The following RALGPS2 variants were observed in gnomAD, a reference collection of about 807,000 sequenced individuals.
RALGPS2 encodes ras-specific guanine nucleotide-releasing factor RalGPS2.
A neutral mutation model predicts 86.8 loss-of-function variants in RALGPS2; 43 were observed. The ratio of observed to expected loss-of-function variants is 0.50; its 90% CI spans 0.39 to 0.64. The LOEUF is 0.64. Among genes scored for constraint, RALGPS2 ranks in the 30% least tolerant of loss-of-function variants. The probability of loss-of-function intolerance (pLI) is 0.00; values close to 1 mark genes in which losing one functional copy is unlikely to be tolerated. For missense variants in RALGPS2, 536 were observed against 694.6 expected (o/e 0.77, Z 2.57); for synonymous variants, 243 against 231.3 (o/e 1.05, Z -0.46).
Position 178,890,507 on chromosome 1 carries a change from T to C in RALGPS2, c.1247+811T>C, listed in dbSNP as rs1294289949. 2.0e-5 allele frequency among the ~76,000 whole-genome samples: 3 copies of C among 152,068 alleles called. No homozygotes were observed. The East Asian group carries it at 5.8e-4, about 29-fold the overall frequency. Reference sequence around the variant, plus strand: ...TCATTACTCAAGCGGGTCATTTAGATTGAATGTTAAATGTCATATTAATAC... The same window carrying C: ...TCATTACTCAAGCGGGTCATTTAGACTGAATGTTAAATGTCATATTAATAC... On this transcript the variant is annotated intron_variant, in intron 14 of 19. Coordinates refer to ENST00000367635, the MANE Select transcript of RALGPS2 (RefSeq NM_152663.5).
At position 178,917,628 on chromosome 1, in the gene RALGPS2, A is replaced by C. The variant is rs1274067517; in HGVS notation, c.*1269A>C. On this transcript the variant is annotated 3_prime_UTR_variant, in exon 20 of 20. Coordinates refer to ENST00000367635, the MANE Select transcript of RALGPS2 (RefSeq NM_152663.5). ...ATTTACTGTCGGTCTCTGACATGAA[A>C]CCGTATTTTGTCAGTAGTTGACCAA... The C allele has an allele frequency of 6.6e-6, 1 of 152,124 alleles. No homozygotes were observed. The highest frequency in any genetic ancestry group is 1.9e-4 in the East Asian group (1 of 5,188). 9.4% of individuals were successfully genotyped at this position (152,124 alleles called of 1,614,324 possible).
In RALGPS2 at chr1:178,777,098, C is replaced by T. The variant is rs575883305; in HGVS notation, c.57+277C>T. Among the ~76,000 whole-genome samples, 6 of 116,524 alleles carry T rather than the reference C, an allele frequency of 5.1e-5. No homozygotes were observed. The South Asian group carries it at 2.2e-3, about 43-fold the overall frequency. 76.4% of individuals were successfully genotyped at this position (116,524 alleles called of 152,430 possible). ...GTATATCTCCCAATGCTATCCCTCC[C>T]CCCTCCCCCCACCCCACCACAATCC... On this transcript the variant is annotated intron_variant, in intron 2 of 19. Transcript: ENST00000367635.
chr1:178,789,141 A>G (rs1397422591), intron 4 of RALGPS2, among the ~76,000 whole-genome samples: 1 of 152,106 alleles, frequency 6.6e-6, no homozygotes, highest in East Asian at 1.9e-4. Context: ...TCCTGGCCTC[A>G]AGTGATCCAC....
chr1:178,883,329 CTCT>C lies in RALGPS2; in HGVS notation c.837-135_837-133del. 3 of 628,242 alleles carry C rather than the reference CTCT, an allele frequency of 4.8e-6. No homozygotes were observed. The South Asian group carries it at 6.4e-5, about 13-fold the overall frequency. The allele number at this position is 628,242 out of a possible 1,614,324, so 38.9% of individuals were successfully genotyped here. ...CTGTCTCTTAAAAAGAAGAAGATTG[CTCT>C]TGAAGAAAAGTATATAGGTCAGATT... On this transcript the variant is annotated intron_variant, in intron 10 of 19. Coordinates refer to ENST00000367635, the MANE Select transcript of RALGPS2 (RefSeq NM_152663.5).
intron 8 of RALGPS2, among the ~76,000 whole-genome samples, chr1:178,858,830 CAT>C (rs1168831434): frequency 1.3e-5 from 2 of 152,156 alleles, no homozygotes; most frequent in African/African-American, 4.8e-5. Flanking sequence ...CCATCTGTAA[CAT>C]ATGTGTTCTT....
rs372827241 is a variant in RALGPS2, at chr1:178,833,449, C to T, written c.506C>T (p.Thr169Ile). ...WALLSRKDKT[T>I]FEKLEYVMSK... ...TTATTAAGTCGAAAAGACAAAACTA[C>T]CTTTGAAAAATTAGAATATGTAATG... The change falls in exon 8 of 20, where the codon ACC (threonine) becomes ATC (isoleucine). Residue 169 changes from threonine (T) to isoleucine (I), a missense_variant. Coordinates refer to ENST00000367635, the MANE Select transcript of RALGPS2 (RefSeq NM_152663.5). 2 of 1,510,454 alleles carry T rather than the reference C, an allele frequency of 1.3e-6. No individual in the cohort carries two copies. Among genetic ancestry groups the T allele is most frequent in the Non-Finnish European group, 1.8e-6 (2 of 1,141,704 alleles). The allele number at this position is 1,510,454 out of a possible 1,614,324, so 93.6% of individuals were successfully genotyped here. A position where few individuals can be genotyped will look rare whatever the true frequency, so the allele number is the denominator to read the frequency against.
chr1:178,785,475 A>G lies in RALGPS2; in HGVS notation c.163-82A>G, dbSNP rs1158762033. The G allele has an allele frequency of 5.7e-6, 8 of 1,399,356 alleles. No homozygotes were observed. In the East Asian group the frequency reaches 2.0e-4, roughly 35 times the overall value. The allele number at this position is 1,399,356 out of a possible 1,614,324, so 86.7% of individuals were successfully genotyped here. A position where few individuals can be genotyped will look rare whatever the true frequency, so the allele number is the denominator to read the frequency against. On this transcript the variant is annotated intron_variant, in intron 3 of 19. Transcript: ENST00000367635. ...ATTGAGTATTTGGTAATATTTTAGT[A>G]TAGAATATAATTTTAATTTAGGTTA... is the stretch of plus-strand genomic sequence containing the variant.
At chr1:178,912,930 G>C (rs1388550091) in intron 19 of RALGPS2, among the ~76,000 whole-genome samples, 35 of 152,042 alleles carry the variant, frequency 2.3e-4, no homozygotes, top group Non-Finnish European at 4.4e-5. Context: ...TGCTCTTCGA[G>C]TTCTGAGATT....
intron 8 of RALGPS2, among the ~76,000 whole-genome samples, chr1:178,871,946 A>G (rs1269100227): frequency 6.6e-6 from 1 of 152,242 alleles, no homozygotes; most frequent in Non-Finnish European, 1.5e-5. Flanking sequence ...ATACTATTGT[A>G]TTTCATTAAT....
chr1:178,855,239 A>T (rs1478853539), intron 8 of RALGPS2, among the ~76,000 whole-genome samples: 5 of 151,704 alleles, frequency 3.3e-5, no homozygotes, highest in Non-Finnish European at 5.9e-5. Flanking sequence ...ATAACAATAG[A>T]AGGGATTCTT....
chr1:178,783,207 C>T (rs752775165), intron 2 of RALGPS2, among the ~76,000 whole-genome samples: 25 of 151,930 alleles, frequency 1.6e-4, no homozygotes, highest in Non-Finnish European at 2.8e-4. Context: ...GTGACAAAAA[C>T]GAAGAATGCC....
At chr1:178,914,542 A>AT (rs1213505175) in intron 19 of RALGPS2, among the ~76,000 whole-genome samples, 2 of 151,282 alleles carry the variant, frequency 1.3e-5, no homozygotes, top group Non-Finnish European at 2.9e-5. Flanking sequence ...AAAATCGGTG[A>AT]TTTTCTCTCA....
intron 4 of RALGPS2, among the ~76,000 whole-genome samples, chr1:178,789,826 G>A (rs1653862759): frequency 6.6e-6 from 1 of 152,218 alleles, no homozygotes; most frequent in African/African-American, 2.4e-5. Context: ...CTGGCACATA[G>A]TGGAAGCTCA....
Position 178,906,840 on chromosome 1 carries a change from T to C in RALGPS2, c.1695T>C (p.Ser565=). ...CAATGTTATGGTTTAAGCATTTGAG[T>C]GCAGCCTGCCAAAGTAACAAACAAC... is the stretch of plus-strand genomic sequence containing the variant. ...MNAMLWFKHL[S]AACQSNKQQV... The change falls in exon 19 of 20, where the codon AGT becomes AGC. Residue 565 remains serine (S), a synonymous_variant. Coordinates refer to ENST00000367635, the MANE Select transcript of RALGPS2 (RefSeq NM_152663.5). 6.2e-7 allele frequency: 1 copy of C among 1,613,326 alleles called. No individual in the cohort carries two copies. Among genetic ancestry groups the C allele is most frequent in the Non-Finnish European group, 8.5e-7 (1 of 1,179,676 alleles).
At chr1:178,846,619 G>A (rs1656877947) in intron 8 of RALGPS2, among the ~76,000 whole-genome samples, 1 of 152,126 alleles carries the variant, frequency 6.6e-6, no homozygotes, top group South Asian at 2.1e-4. Flanking sequence ...TAAAAGAGCT[G>A]GGGGTGGGGT....
intron 8 of RALGPS2, among the ~76,000 whole-genome samples, chr1:178,840,671 G>C (rs910991408): frequency 6.6e-6 from 1 of 151,964 alleles, no homozygotes; most frequent in Admixed American, 6.6e-5. Context: ...AGGAGATAGA[G>C]ACACAAAAAA....
chr1:178,761,954 G>A (rs1381299706), intron 1 of RALGPS2, among the ~76,000 whole-genome samples: 1 of 152,036 alleles, frequency 6.6e-6, no homozygotes, highest in Admixed American at 6.6e-5. Flanking sequence ...TTGTTTCATT[G>A]CCCAGGTAAT....
chr1:178,865,455 C>T (rs535168464), intron 8 of RALGPS2: 3 of 1,614,014 alleles, frequency 1.9e-6, no homozygotes, highest in African/African-American at 2.7e-5. Flanking sequence ...TTTCCATCTA[C>T]ATCCACCACC....
intron 1 of RALGPS2, chr1:178,753,692 G>A (rs1301503666): frequency 3.3e-5 from 5 of 152,118 alleles, no homozygotes; most frequent in Admixed American, 3.3e-4. Flanking sequence ...TTATGGAATC[G>A]AGTTAGAGAT....
Sources: gnomAD v4.1 joint callset for allele counts (sites outside exome capture counted in the v4.1 genomes callset) on GRCh38, gnomAD v4.1.1 for gene constraint, MANE v1.5 for transcripts, NCBI Gene and HGNC (gene_info 2026-07-23, HGNC 2026-07-21) for gene names.